KPNA3: variants seen among roughly 807,000 people sequenced by gnomAD.
KPNA3 encodes the protein karyopherin subunit alpha 3.
KPNA3 carries 13 observed loss-of-function variants against 73.8 expected under a neutral mutation model. That is an observed-to-expected ratio of 0.18 (90% CI 0.11 to 0.28). The LOEUF (loss-of-function observed/expected upper bound fraction) is 0.28, where lower values mean the gene tolerates loss of function less well. KPNA3 is among the 10% of genes least tolerant of loss of function. The pLI is 1.00. For missense variants in KPNA3, 360 were observed against 618.1 expected, an observed-to-expected ratio of 0.58 and a Z score of 4.43; for synonymous variants, 186 against 206.9, an observed-to-expected ratio of 0.90 and a Z score of 0.87.
At chr13:49,752,461 G>A (rs1473130524) in intron 1 of KPNA3, among the ~76,000 whole-genome samples, 38 of 152,132 alleles carry the variant, frequency 2.5e-4, no homozygotes, top group Admixed American at 2.5e-3. Context: ...GAAACAGAGT[G>A]TTGCTATTGA....
intron 1 of KPNA3, among the ~76,000 whole-genome samples, chr13:49,761,198 GTCCCTC>G (rs995522011): frequency 4.6e-5 from 7 of 151,696 alleles, no homozygotes; most frequent in Non-Finnish European, 7.4e-5. Flanking sequence ...AGAGAAGAGG[GTCCCTC>G]TCCCTCTCCC....
intron 1 of KPNA3, among the ~76,000 whole-genome samples, chr13:49,747,984 C>T (rs564937121): frequency 2.6e-5 from 4 of 152,266 alleles, no homozygotes; most frequent in East Asian, 1.9e-4. Context: ...GAATTATCTC[C>T]TCTATAACTC....
intron 10 of KPNA3, among the ~76,000 whole-genome samples, chr13:49,717,749 A>C (rs1208672095): frequency 6.6e-6 from 1 of 152,236 alleles, no homozygotes; most frequent in Non-Finnish European, 1.5e-5. Context: ...AAGTGCTTAA[A>C]ACAGTGCCTG....
chr13:49,704,107 C>A (rs1226856234), intron 15 of KPNA3, among the ~76,000 whole-genome samples: 1 of 152,110 alleles, frequency 6.6e-6, no homozygotes, highest in East Asian at 1.9e-4. Flanking sequence ...TCCTTAAAAT[C>A]TGTGGGATAA....
chr13:49,779,510 T>C (rs543995643), intron 1 of KPNA3, among the ~76,000 whole-genome samples: 5 of 152,290 alleles, frequency 3.3e-5, no homozygotes, highest in Middle Eastern at 3.4e-3. Context: ...TTATATTTCT[T>C]ATTCCCTTCC....
At chr13:49,768,120 A>T (rs1249086373) in intron 1 of KPNA3, among the ~76,000 whole-genome samples, 1 of 152,070 alleles carries the variant, frequency 6.6e-6, no homozygotes, top group African/African-American at 2.4e-5. Flanking sequence ...TCTACTAAAA[A>T]TACAAAAAAT....
At chr13:49,723,162 C>T (rs187580893) in intron 7 of KPNA3, among the ~76,000 whole-genome samples, 185 of 151,758 alleles carry the variant, frequency 1.2e-3, no homozygotes, top group African/African-American at 3.9e-3. Context: ...AACAACTTTA[C>T]GGAGATATAA....
At chr13:49,711,665 T>G (rs1954261550) in intron 10 of KPNA3, among the ~76,000 whole-genome samples, 1 of 152,178 alleles carries the variant, frequency 6.6e-6, no homozygotes, top group Non-Finnish European at 1.5e-5. Context: ...ATCTGGTGAT[T>G]CATTCAAGGT....
At chr13:49,756,615 A>G (rs1391742400) in intron 1 of KPNA3, among the ~76,000 whole-genome samples, 2 of 152,216 alleles carry the variant, frequency 1.3e-5, no homozygotes, top group African/African-American at 2.4e-5. Flanking sequence ...GGTAGACTCA[A>G]CTTGGTAAAG....
chr13:49,725,646 C>CT (rs35089210), intron 6 of KPNA3, 145 bp from the exon 7 acceptor site: 37,263 of 379,242 alleles, frequency 0.098, 1 homozygote, highest in East Asian at 0.13. Flanking sequence ...GCCAACCCTA[C>CT]TTTTTTTTTT....
intron 11 of KPNA3, among the ~76,000 whole-genome samples, chr13:49,710,084 G>GA (rs1954246289): frequency 6.6e-6 from 1 of 152,144 alleles, no homozygotes; most frequent in African/African-American, 2.4e-5. Flanking sequence ...GCAACATAGT[G>GA]AAACTCCATC....
intron 10 of KPNA3, among the ~76,000 whole-genome samples, chr13:49,711,920 C>T (rs1702232807): frequency 1.3e-5 from 2 of 152,144 alleles, no homozygotes; most frequent in African/African-American, 4.8e-5. Context: ...AGTCAGAGAA[C>T]ACTAAAAATT....
At chr13:49,731,243 T>A (rs1034508929) in intron 6 of KPNA3, among the ~76,000 whole-genome samples, 13 of 146,764 alleles carry the variant, frequency 8.9e-5, no homozygotes, top group African/African-American at 3.3e-4. Flanking sequence ...CCTGGCTAAT[T>A]TTCGTGTTTT....
chr13:49,768,807 G>A (rs567082477), intron 1 of KPNA3, among the ~76,000 whole-genome samples: 7 of 152,044 alleles, frequency 4.6e-5, no homozygotes, highest in Non-Finnish European at 7.4e-5. Context: ...AAACTGCCAA[G>A]AATTTGGACA....
intron 2 of KPNA3, among the ~76,000 whole-genome samples, chr13:49,735,122 A>G (rs1366006850): frequency 6.6e-6 from 1 of 152,090 alleles, no homozygotes; most frequent in Admixed American, 6.6e-5. Context: ...AACCATATTT[A>G]CTTATTTTTT....
At chr13:49,703,159 C>T (rs1206361700) in intron 15 of KPNA3, among the ~76,000 whole-genome samples, 3 of 150,442 alleles carry the variant, frequency 2.0e-5, no homozygotes, top group South Asian at 2.1e-4. Context: ...TGAGCCACTG[C>T]GCCTGGGCAT....
At chr13:49,725,727 T>C (rs1175713846) in intron 6 of KPNA3, among the ~76,000 whole-genome samples, 1 of 151,612 alleles carries the variant, frequency 6.6e-6, no homozygotes, top group African/African-American at 2.4e-5. Context: ...CATTGCAATC[T>C]CTGCCTCTGG....
intron 1 of KPNA3, among the ~76,000 whole-genome samples, chr13:49,754,672 GTTAT>G (rs1461281483): frequency 1.4e-5 from 2 of 144,900 alleles, no homozygotes; most frequent in Admixed American, 6.9e-5. Flanking sequence ...AAAATGCAGA[GTTAT>G]AATATTAGAA....
chr13:49,706,889 C>T (rs2137532222), intron 12 of KPNA3, among the ~76,000 whole-genome samples: 1 of 152,200 alleles, frequency 6.6e-6, no homozygotes, highest in African/African-American at 2.4e-5. Context: ...GCTGGGACTA[C>T]AGGCACCTGT....
Sources: gnomAD v4.1 joint callset for allele counts (sites outside exome capture counted in the v4.1 genomes callset) on GRCh38, gnomAD v4.1.1 for gene constraint, MANE v1.5 for transcripts, NCBI Gene and HGNC (gene_info 2026-07-23, HGNC 2026-07-21) for gene names.